Variants in ITGA9 observed in about 807,000 individuals in gnomAD.
ITGA9 encodes the protein integrin subunit alpha 9.
A neutral mutation model predicts 127.8 loss-of-function variants in ITGA9; 56 were observed. The observed-to-expected ratio is 0.44, with a 90% CI of 0.35 to 0.55. The LOEUF (loss-of-function observed/expected upper bound fraction) is 0.55. Among genes scored for constraint, ITGA9 ranks in the 20% least tolerant of loss-of-function variants. ITGA9 has a pLI of 0.00. For synonymous variants in ITGA9, 508 were observed against 514.5 expected (o/e 0.99, Z 0.17); for missense variants, 1,196 against 1,347.1 (o/e 0.89, Z 1.76).
intron 15 of ITGA9, among the ~76,000 whole-genome samples, chr3:37,590,927 T>G (rs1699809667): frequency 6.6e-6 from 1 of 152,156 alleles, no homozygotes; most frequent in African/African-American, 2.4e-5. Context: ...AAACCCCATG[T>G]CCTTAGCGCA....
At chr3:37,681,731 A>G (rs992887396) in intron 17 of ITGA9, among the ~76,000 whole-genome samples, 1 of 152,136 alleles carries the variant, frequency 6.6e-6, no homozygotes, top group African/African-American at 2.4e-5. Flanking sequence ...TCAGTCTCTC[A>G]TGCATCTTCA....
chr3:37,561,210 GTTA>G (rs1214340564), intron 15 of ITGA9, among the ~76,000 whole-genome samples: 1 of 152,162 alleles, frequency 6.6e-6, no homozygotes, highest in Non-Finnish European at 1.5e-5. Flanking sequence ...TAGCCAAAAT[GTTA>G]TTATTTCAAC....
chr3:37,514,207 C>T (rs1195505416), intron 9 of ITGA9, among the ~76,000 whole-genome samples: 1 of 152,160 alleles, frequency 6.6e-6, no homozygotes, highest in Non-Finnish European at 1.5e-5. Context: ...CACATGGTAT[C>T]AAGGGTGCCC....
At position 37,626,628 on chromosome 3, in the gene ITGA9, G is replaced by C. The variant is rs538745916; in HGVS notation, c.1690-2559G>C. Reference sequence around the variant, plus strand: ...GAGCTTAAGAGTTCAAGGCTGCAGTGAGCTATGATTGTCCCACTTCTGGGA... The same window carrying C: ...GAGCTTAAGAGTTCAAGGCTGCAGTCAGCTATGATTGTCCCACTTCTGGGA... On this transcript the variant is annotated intron_variant, in intron 15 of 27. Transcript: ENST00000264741. Among the ~76,000 whole-genome samples, 43 of 152,334 alleles carry C rather than the reference G, an allele frequency of 2.8e-4. 1 individual carries two copies. In the South Asian group the frequency reaches 7.1e-3, roughly 25 times the overall value.
intron 3 of ITGA9, among the ~76,000 whole-genome samples, chr3:37,477,991 A>G (rs1457731194): frequency 6.6e-6 from 1 of 151,780 alleles, no homozygotes; most frequent in Non-Finnish European, 1.5e-5. Flanking sequence ...TTTAAAGTGA[A>G]CTTTTTATTG....
rs200275273 is a variant in ITGA9, at chr3:37,471,053, G to T, written c.232G>T (p.Val78Leu). 9.3e-6 allele frequency: 15 copies of T among 1,614,068 alleles called. No homozygotes were observed. In the African/African-American group the frequency reaches 1.9e-4, roughly 20 times the overall value. The change falls in exon 2 of 28, where the codon GTG (valine) becomes TTG (leucine). Residue 78 changes from valine (V) to leucine (L), a missense_variant. Coordinates refer to ENST00000264741, the MANE Select transcript of ITGA9 (RefSeq NM_002207.3). The part of the protein sequence containing the change: ...PKADSKYSPS[V>L]KSPGAVFKCR... ...GGCAGATTCCAAATACAGCCCTTCA[G>T]TGAAGTCTCCTGGGGCTGTGTTTAA... is the stretch of plus-strand genomic sequence containing the variant.
At chr3:37,605,219 G>C (rs1200983223) in intron 15 of ITGA9, among the ~76,000 whole-genome samples, 1 of 152,112 alleles carries the variant, frequency 6.6e-6, no homozygotes, top group Non-Finnish European at 1.5e-5. Context: ...GGAGCCTCGG[G>C]ACTAGAGTTT....
intron 15 of ITGA9, among the ~76,000 whole-genome samples, chr3:37,555,411 C>T (rs1260347307): frequency 6.6e-6 from 1 of 152,240 alleles, no homozygotes; most frequent in Non-Finnish European, 1.5e-5. Flanking sequence ...TAAAATGTGG[C>T]TAGTGCCAAT....
intron 23 of ITGA9, among the ~76,000 whole-genome samples, chr3:37,768,372 C>T (rs1408117549): frequency 4.6e-5 from 7 of 152,174 alleles, no homozygotes; most frequent in Admixed American, 2.6e-4. Flanking sequence ...TTATTTCAAA[C>T]CCTGAAGTCC....
intron 23 of ITGA9, among the ~76,000 whole-genome samples, chr3:37,769,332 C>CT (rs1343701671): frequency 9.1e-6 from 1 of 109,896 alleles, no homozygotes; most frequent in African/African-American, 2.9e-5. Flanking sequence ...GAGCAAAACT[C>CT]TGTCTCAAAA....
chr3:37,775,488 A>C (rs1696895705), intron 23 of ITGA9, among the ~76,000 whole-genome samples: 1 of 151,168 alleles, frequency 6.6e-6, no homozygotes. Context: ...CTAAAAATAC[A>C]AAAAAAAATT....
intron 23 of ITGA9, among the ~76,000 whole-genome samples, chr3:37,769,776 T>C (rs1316680493): frequency 1.3e-5 from 2 of 152,222 alleles, no homozygotes; most frequent in Middle Eastern, 3.2e-3. Flanking sequence ...CTGGGTCAGA[T>C]ATGAGAGGGG....
At chr3:37,698,161 T>C (rs1700906542) in intron 18 of ITGA9, among the ~76,000 whole-genome samples, 1 of 152,250 alleles carries the variant, frequency 6.6e-6, no homozygotes, top group Non-Finnish European at 1.5e-5. Flanking sequence ...TCATATCCTT[T>C]GCCCACTTTT....
intron 15 of ITGA9, among the ~76,000 whole-genome samples, chr3:37,628,887 A>C (rs1324650733): frequency 6.6e-6 from 1 of 152,188 alleles, no homozygotes; most frequent in Non-Finnish European, 1.5e-5. Context: ...GTTTCTAAGA[A>C]TATTTGGAGG....
At position 37,777,401 on chromosome 3, in the gene ITGA9, G is replaced by A. The variant is rs1384977042; in HGVS notation, c.2551G>A (p.Glu851Lys). The change falls in exon 24 of 28, where the codon GAG becomes AAG. Residue 851 changes from glutamate to lysine, a missense_variant. Physicochemically the swap from Glu to Lys is moderately conservative, Grantham distance 56. Coordinates refer to ENST00000264741, the MANE Select transcript of ITGA9 (RefSeq NM_002207.3). ...CTCTTTTCATTTGCAGGTGGGCCAAGAGAAGGGAAACTGCTCTTTCCAGAA... is the reference window on the plus strand; with the variant it reads ...CTCTTTTCATTTGCAGGTGGGCCAAAAGAAGGGAAACTGCTCTTTCCAGAA... ...FHVQEMVVGQ[E>K]KGNCSFQKNP... 1.2e-6 allele frequency: 2 copies of A among 1,614,162 alleles called. No homozygotes were observed. The highest frequency in any genetic ancestry group is 1.7e-6 in the Non-Finnish European group (2 of 1,180,036).
Position 37,653,787 on chromosome 3 carries a change from C to T in ITGA9, c.1913C>T (p.Ser638Phe), listed in dbSNP as rs768649691. The change falls in exon 17 of 28, where the codon TCC becomes TTC. Residue 638 changes from serine (S) to phenylalanine (F), a missense_variant. Transcript: ENST00000264741. ...DLQLQGKLLL[S>F]SMDEKTLYLA... ...CAGCTTCAGGGTAAACTGCTGCTCT[C>T]CAGGTATGTCGGTGTTTCCTTCAGA... 1.8e-5 allele frequency: 29 copies of T among 1,611,156 alleles called. No individual in the cohort carries two copies. Among genetic ancestry groups the T allele is most frequent in the Middle Eastern group, 1.6e-4 (1 of 6,080 alleles).
At position 37,787,864 on chromosome 3, in the gene ITGA9, G is replaced by T. The variant is rs545261005; in HGVS notation, c.2889+2786G>T. ...AATGTACTTGCATTTGGTATCGAGT[G>T]GGGGAGGAAAACAATCAGATTTTTA... On this transcript the variant is annotated intron_variant, in intron 26 of 27. Coordinates refer to ENST00000264741, the MANE Select transcript of ITGA9 (RefSeq NM_002207.3). Among the ~76,000 whole-genome samples the T allele has an allele frequency of 1.2e-4, 18 of 152,288 alleles. No individual in the cohort carries two copies. In the South Asian group the frequency reaches 3.3e-3, roughly 28 times the overall value.
intron 15 of ITGA9, among the ~76,000 whole-genome samples, chr3:37,620,301 G>A (rs528812989): frequency 3.9e-5 from 6 of 152,224 alleles, no homozygotes; most frequent in South Asian, 4.1e-4. Flanking sequence ...TGCATGTAGC[G>A]GCTAGGGCAC....
chr3:37,698,981 T>C (rs1700917235), intron 18 of ITGA9, among the ~76,000 whole-genome samples: 1 of 152,196 alleles, frequency 6.6e-6, no homozygotes, highest in African/African-American at 2.4e-5. Context: ...TGTTCAAGTC[T>C]TCTGCACTCC....
Sources: allele counts gnomAD v4.1 joint callset (sites outside exome capture counted in the v4.1 genomes callset), GRCh38; gene constraint gnomAD v4.1.1; transcripts MANE v1.5; gene names NCBI Gene and HGNC (gene_info 2026-07-23, HGNC 2026-07-21).